ITPRID1: variants seen among roughly 807,000 people sequenced by gnomAD.
The protein encoded by ITPRID1 is protein ITPRID1.
A neutral mutation model predicts 95.4 loss-of-function variants in ITPRID1; 96 were observed. The ratio of observed to expected loss-of-function variants is 1.01; its 90% CI spans 0.85 to 1.19. The LOEUF (loss-of-function observed/expected upper bound fraction) is 1.19. Ranked by LOEUF, ITPRID1 falls within the 50% of genes most tolerant of loss-of-function variation. The pLI, the probability that ITPRID1 is intolerant of heterozygous loss-of-function variation, is 0.00. For missense variants in ITPRID1, 1,339 were observed against 1,252.9 expected (o/e 1.07, Z -1.04); for synonymous variants, 510 against 453.6 (o/e 1.12, Z -1.58).
chr7:31,633,446 G>A (rs1460518200), intron 10 of ITPRID1, among the ~76,000 whole-genome samples: 2 of 152,286 alleles, frequency 1.3e-5, no homozygotes, highest in Non-Finnish European at 2.9e-5. Flanking sequence ...TGTTCTGGAA[G>A]GGAGGTGGCA....
chr7:31,597,192 CTCAACAGTAAAA>C (rs1786125153), intron 10 of ITPRID1, among the ~76,000 whole-genome samples: 1 of 151,964 alleles, frequency 6.6e-6, no homozygotes, highest in African/African-American at 2.4e-5. Flanking sequence ...CAATTTCAAT[CTCAACAGTAAAA>C]TCTCAGAAAA....
chr7:31,569,266 G>A (rs1461651170), intron 5 of ITPRID1, among the ~76,000 whole-genome samples: 1 of 152,032 alleles, frequency 6.6e-6, no homozygotes, highest in South Asian at 2.1e-4. Flanking sequence ...ATACATGCTG[G>A]GCCCTTCATG....
intron 10 of ITPRID1, among the ~76,000 whole-genome samples, chr7:31,583,603 G>A (rs543053011): frequency 2.0e-5 from 3 of 152,206 alleles, no homozygotes; most frequent in African/African-American, 4.8e-5. Context: ...ACTCCAGCCC[G>A]GGCAACAAGA....
chr7:31,517,727 C>G (rs975819724), intron 1 of ITPRID1: 27 of 152,662 alleles, frequency 1.8e-4, no homozygotes, highest in African/African-American at 6.0e-4. Flanking sequence ...GGAGCCGGCT[C>G]CGGCCTCAGC....
chr7:31,631,793 A>T (rs1404000581), intron 10 of ITPRID1, among the ~76,000 whole-genome samples: 2 of 152,262 alleles, frequency 1.3e-5, no homozygotes, highest in African/African-American at 4.8e-5. Context: ...TTCATAGGAT[A>T]GAGACTCTTC....
At chr7:31,564,730 A>T (rs1408413014) in intron 5 of ITPRID1, among the ~76,000 whole-genome samples, 1 of 152,152 alleles carries the variant, frequency 6.6e-6, no homozygotes, top group East Asian at 1.9e-4. Flanking sequence ...GCAGACTCAG[A>T]TGCTTCCTGG....
rs966573112 is a variant in ITPRID1, at chr7:31,569,829, T to C, written c.308+20T>C. ...CATGAGGTAGGTAGCAGAATCAGTG[T>C]TACTTCATGCCAATATTTTGCAGCC... On this transcript the variant is annotated intron_variant, in intron 6 of 14. Coordinates refer to ENST00000615280, the MANE Select transcript of ITPRID1 (RefSeq NM_001257967.3). 2 of 1,569,156 alleles carry C rather than the reference T, an allele frequency of 1.3e-6. No individual in the cohort carries two copies. Among genetic ancestry groups the C allele is most frequent in the African/African-American group, 1.3e-5 (1 of 74,242 alleles).
At position 31,643,288 on chromosome 7, in the gene ITPRID1, TCA is replaced by T. The variant is rs1223873054; in HGVS notation, c.1921_1922del (p.Gln641ValfsTer7). On this transcript the variant is annotated frameshift_variant, in exon 12 of 15. Coordinates refer to ENST00000615280, the MANE Select transcript of ITPRID1 (RefSeq NM_001257967.3). LOFTEE classifies it high-confidence loss of function. ...CAGCTTACTCGTACCAGAAAGCTCATCACAGTGTATCCCCAAGCACAGTGAAA... is the reference window on the plus strand; with the variant it reads ...CAGCTTACTCGTACCAGAAAGCTCATCAGTGTATCCCCAAGCACAGTGAAA... Reference protein sequence around the residue: ...NHSLLVPESSSQCIPKHSEIT... With the variant: ...NHSLLVPESSXQCIPKHSEIT... 6.2e-7 allele frequency: 1 copy of T among 1,613,826 alleles called. No homozygotes were observed. The highest frequency in any genetic ancestry group is 2.2e-5 in the East Asian group (1 of 44,868).
At chr7:31,587,741 A>G (rs1048866782) in intron 10 of ITPRID1, among the ~76,000 whole-genome samples, 2 of 151,128 alleles carry the variant, frequency 1.3e-5, no homozygotes, top group East Asian at 3.9e-4. Context: ...TTCAAACTAT[A>G]CTACAAGGCT....
intron 10 of ITPRID1, among the ~76,000 whole-genome samples, chr7:31,594,542 T>C (rs1158626913): frequency 6.6e-6 from 1 of 152,128 alleles, no homozygotes; most frequent in Non-Finnish European, 1.5e-5. Flanking sequence ...GGCAATACCA[T>C]AGGAAATGGA....
chr7:31,577,691 T>A (rs916379692), intron 8 of ITPRID1, among the ~76,000 whole-genome samples, 172 bp from the exon 9 acceptor site: 4 of 152,156 alleles, frequency 2.6e-5, no homozygotes, highest in African/African-American at 7.2e-5. Context: ...CGTAGGGAAA[T>A]CATCTCCATA....
intron 1 of ITPRID1, among the ~76,000 whole-genome samples, chr7:31,523,454 C>T (rs1365444598): frequency 1.3e-5 from 2 of 152,190 alleles, no homozygotes; most frequent in Non-Finnish European, 2.9e-5. Context: ...TGATTGGGTA[C>T]TCAGAGATAT....
chr7:31,538,797 C>T (rs922162795), intron 1 of ITPRID1, among the ~76,000 whole-genome samples: 22 of 152,302 alleles, frequency 1.4e-4, no homozygotes, highest in Non-Finnish European at 2.4e-4. Flanking sequence ...AAGGAAGCAT[C>T]GGCTAAATTT....
intron 7 of ITPRID1, among the ~76,000 whole-genome samples, chr7:31,573,570 A>G (rs1053144939): frequency 6.6e-6 from 1 of 152,084 alleles, no homozygotes; most frequent in African/African-American, 2.4e-5. Context: ...AACTATCTCA[A>G]ATAGGCTCAT....
At chr7:31,535,234 A>G (rs1443176396) in intron 1 of ITPRID1, among the ~76,000 whole-genome samples, 1 of 152,136 alleles carries the variant, frequency 6.6e-6, no homozygotes, top group African/African-American at 2.4e-5. Flanking sequence ...AGTATATTGT[A>G]CTATTTCACA....
In ITPRID1 at chr7:31,653,039, GCA is replaced by G. The variant is rs1791102176; in HGVS notation, c.*213_*214del. 7.7e-7 allele frequency: 1 copy of G among 1,292,888 alleles called. No individual in the cohort carries two copies. The highest frequency in any genetic ancestry group is 1.5e-5 in the African/African-American group (1 of 67,100). The allele number at this position is 1,292,888 out of a possible 1,614,324, so 80.1% of individuals were successfully genotyped here. A position where few individuals can be genotyped will look rare whatever the true frequency, so the allele number is the denominator to read the frequency against. Reference sequence around the variant, plus strand: ...TAACTGAGCACCTAGTATGTGCCTGGCACAGAGTATGCAACAGTGACTAAATA... The same window carrying G: ...TAACTGAGCACCTAGTATGTGCCTGGCAGAGTATGCAACAGTGACTAAATA... On this transcript the variant is annotated 3_prime_UTR_variant, in exon 15 of 15. Transcript: ENST00000615280.
chr7:31,583,090 T>C (rs746095716), intron 9 of ITPRID1, 44 bp from the exon 10 acceptor site: 1 of 1,422,436 alleles, frequency 7.0e-7, no homozygotes, highest in East Asian at 2.3e-5. Context: ...AGTGAATTTA[T>C]TTGACAAAAT....
chr7:31,633,693 G>T (rs1263641024), intron 10 of ITPRID1, among the ~76,000 whole-genome samples: 4 of 152,286 alleles, frequency 2.6e-5, no homozygotes, highest in South Asian at 2.1e-4. Flanking sequence ...AGGCTAACTT[G>T]CTTGGTGACT....
intron 1 of ITPRID1, among the ~76,000 whole-genome samples, chr7:31,520,556 TGTGTGTGTGAGAGAGAGAGA>T (rs1233795393): frequency 6.6e-5 from 7 of 105,572 alleles, no homozygotes; most frequent in African/African-American, 3.0e-4. Context: ...TGTGTGTGTG[TGTGTGTGTGAGAGAGAGAGA>T]GAGAGTTTGG....
Sources: gnomAD v4.1 joint callset for allele counts (sites outside exome capture counted in the v4.1 genomes callset) on GRCh38, gnomAD v4.1.1 for gene constraint, MANE v1.5 for transcripts, NCBI Gene and HGNC (gene_info 2026-07-23, HGNC 2026-07-21) for gene names.